The following ERICH1 variants were observed in gnomAD, a reference collection of about 807,000 sequenced individuals.
The protein encoded by ERICH1 is glutamate rich 1.
A neutral mutation model predicts 39.6 loss-of-function variants in ERICH1; 56 were observed. The ratio of observed to expected loss-of-function variants is 1.41; its 90% CI spans 1.14 to 1.77. The LOEUF (loss-of-function observed/expected upper bound fraction) is 1.77. Among genes scored for constraint, ERICH1 ranks in the 40% most tolerant of loss-of-function variants. The probability of loss-of-function intolerance (pLI) is 0.00; values close to 1 mark genes in which losing one functional copy is unlikely to be tolerated. For missense variants in ERICH1, 826 were observed against 575.4 expected, an observed-to-expected ratio of 1.44 and a Z score of -4.45; for synonymous variants, 313 against 223.6, an observed-to-expected ratio of 1.40 and a Z score of -3.57.
chr8:664,405 A>G lies in ERICH1; in HGVS notation c.*198T>C. The stretch of plus-strand genomic sequence containing the variant: ...TTCAAGATATATATAATTGCAAATA[A>G]GTGAAAAATTTCCATTTTACCCCAA... On this transcript the variant is annotated 3_prime_UTR_variant, in exon 6 of 6. Coordinates refer to ENST00000262109, the MANE Select transcript of ERICH1 (RefSeq NM_207332.3). 6 of 1,240,216 alleles carry G rather than the reference A, an allele frequency of 4.8e-6. No individual in the cohort carries two copies. The highest frequency in any genetic ancestry group is 6.1e-6 in the Non-Finnish European group (6 of 990,694). The allele number at this position is 1,240,216 out of a possible 1,614,324, so 76.8% of individuals were successfully genotyped here. A position where few individuals can be genotyped will look rare whatever the true frequency, so the allele number is the denominator to read the frequency against.
chr8:688,694 G>C (rs1808220017), intron 3 of ERICH1, among the ~76,000 whole-genome samples: 1 of 152,190 alleles, frequency 6.6e-6, no homozygotes, highest in African/African-American at 2.4e-5. Context: ...CAGAGAAGTG[G>C]GGAAAGGTAG....
chr8:670,925 AGC>A (rs1803166249), intron 4 of ERICH1, among the ~76,000 whole-genome samples: 16 of 144,210 alleles, frequency 1.1e-4, no homozygotes, highest in Admixed American at 6.2e-4. Flanking sequence ...CCAACCTCTG[AGC>A]CCACCGGTCC....
rs112618916 is a variant in ERICH1 at position 629,212 on chromosome 8, T to G, written c.977-13928A>C. ...CTTCCTAGCCACACTCAGGGCTTTA[T>G]AGTGGCAACAAAAATGGCCAACAGG... On this transcript the variant is annotated intron_variant, in intron 3 of 3. Transcript: ENST00000522706. Among the ~76,000 whole-genome samples, 1,139 of 152,268 alleles carry G rather than the reference T, an allele frequency of 7.5e-3. 11 individuals carry two copies. Among genetic ancestry groups the G allele is most frequent in the African/African-American group, 0.026 (1,081 of 41,548 alleles).
In ERICH1 at chr8:669,936, T is replaced by C. The variant is rs564095176; in HGVS notation, c.1064-1144A>G. 5.9e-5 allele frequency among the ~76,000 whole-genome samples: 9 copies of C among 152,306 alleles called. No individual in the cohort carries two copies. The South Asian group carries it at 1.5e-3, about 25-fold the overall frequency. ...CCTGTGACTCTGTGTCCTGTAACAA[T>C]GGTGTAAAACTCCCAAATGTCACAT... is the stretch of plus-strand genomic sequence containing the variant. On this transcript the variant is annotated intron_variant, in intron 4 of 5. Coordinates refer to ENST00000262109, the MANE Select transcript of ERICH1 (RefSeq NM_207332.3).
intron 3 of ERICH1, among the ~76,000 whole-genome samples, chr8:620,615 C>T (rs570284258): frequency 2.6e-5 from 4 of 152,254 alleles, no homozygotes; most frequent in East Asian, 3.9e-4. Flanking sequence ...GAAAAACATA[C>T]GTCATGCAAA....
At chr8:670,965 G>GC (rs1242106264) in intron 4 of ERICH1, among the ~76,000 whole-genome samples, 1 of 149,686 alleles carries the variant, frequency 6.7e-6, no homozygotes, top group African/African-American at 2.5e-5. Context: ...GCACCTGCCA[G>GC]CCCCAGCTCC....
intron 3 of ERICH1, among the ~76,000 whole-genome samples, chr8:627,741 C>T (rs946242762): frequency 3.9e-5 from 6 of 152,342 alleles, no homozygotes; most frequent in African/African-American, 1.4e-4. Flanking sequence ...TGTTCAGCCG[C>T]AGGGGAGTTG....
At chr8:658,783 G>C (rs115956543) in intron 3 of ERICH1, among the ~76,000 whole-genome samples, 1,589 of 152,294 alleles carry the variant, frequency 0.01, 22 homozygotes, top group African/African-American at 0.036. Context: ...GGCCTCGATC[G>C]GGGACTCCAC....
intron 3 of ERICH1, among the ~76,000 whole-genome samples, chr8:688,355 C>T (rs1158105742): frequency 6.7e-6 from 1 of 148,278 alleles, no homozygotes; most frequent in East Asian, 2.0e-4. Context: ...CGCTTAGCCC[C>T]ACCTCGGCCC....
chr8:685,899 A>G (rs1394646522), intron 3 of ERICH1, among the ~76,000 whole-genome samples: 3 of 151,766 alleles, frequency 2.0e-5, no homozygotes, highest in Non-Finnish European at 4.4e-5. Flanking sequence ...AATTCCAGCA[A>G]TTTGGGAGGC....
chr8:697,834 C>T (rs1009586191), intron 2 of ERICH1, among the ~76,000 whole-genome samples: 7 of 152,316 alleles, frequency 4.6e-5, no homozygotes, highest in African/African-American at 7.2e-5. Flanking sequence ...CAGCAGAGTG[C>T]GTGATAGGTG....
intron 1 of ERICH1, among the ~76,000 whole-genome samples, chr8:719,843 G>C (rs1816882711): frequency 1.3e-5 from 2 of 152,150 alleles, no homozygotes; most frequent in Admixed American, 1.3e-4. Context: ...GATATACTTT[G>C]TTGCTCAAAT....
At chr8:624,590 G>C (rs1447729690) in intron 3 of ERICH1, among the ~76,000 whole-genome samples, 1 of 152,226 alleles carries the variant, frequency 6.6e-6, no homozygotes, top group Non-Finnish European at 1.5e-5. Flanking sequence ...AGGAAGCATG[G>C]CTGGGGAGGT....
intron 3 of ERICH1, among the ~76,000 whole-genome samples, chr8:691,815 A>G (rs1046360596): frequency 2.6e-5 from 4 of 152,216 alleles, no homozygotes; most frequent in African/African-American, 9.6e-5. Flanking sequence ...TTATATTGTT[A>G]CAAATCATCT....
chr8:620,459 GA>G (rs1797215192), intron 3 of ERICH1, among the ~76,000 whole-genome samples: 1 of 152,180 alleles, frequency 6.6e-6, no homozygotes, highest in African/African-American at 2.4e-5. Context: ...AGGGAAACCA[GA>G]AACCTGCTTA....
chr8:656,085 G>A (rs955063567), intron 3 of ERICH1, among the ~76,000 whole-genome samples: 2 of 152,136 alleles, frequency 1.3e-5, no homozygotes, highest in African/African-American at 4.8e-5. Flanking sequence ...TGCCCGCCAG[G>A]TCTGAACTGC....
chr8:681,932 G>A (rs1397225073), intron 3 of ERICH1, among the ~76,000 whole-genome samples: 1 of 152,156 alleles, frequency 6.6e-6, no homozygotes, highest in Non-Finnish European at 1.5e-5. Flanking sequence ...ACGCCTCGGT[G>A]ACGTCTGATC....
chr8:687,045 G>A (rs781317001), intron 3 of ERICH1, among the ~76,000 whole-genome samples: 23 of 152,232 alleles, frequency 1.5e-4, no homozygotes, highest in Non-Finnish European at 2.6e-4. Context: ...AGAGAGCCAC[G>A]ATTCTGTCAA....
chr8:711,295 A>T (rs558624861), intron 2 of ERICH1, among the ~76,000 whole-genome samples: 1 of 152,224 alleles, frequency 6.6e-6, no homozygotes, highest in African/African-American at 2.4e-5. Flanking sequence ...CATTCTCTTG[A>T]CAATGTCATT....
Sources: gnomAD v4.1 joint callset for allele counts (sites outside exome capture counted in the v4.1 genomes callset) on GRCh38, gnomAD v4.1.1 for gene constraint, MANE v1.5 for transcripts, NCBI Gene and HGNC (gene_info 2026-07-23, HGNC 2026-07-21) for gene names.